Variants in RARB observed in about 807,000 individuals in gnomAD.
The protein encoded by RARB is HBV-activated protein.
In RARB, 17 loss-of-function variants were observed where a neutral mutation model predicts 51.9. The observed-to-expected ratio is 0.33, with a 90% CI of 0.22 to 0.49. The LOEUF is 0.49. Among genes scored for constraint, RARB ranks in the 20% least tolerant of loss-of-function variants. The probability of loss-of-function intolerance (pLI) is 0.99; values close to 1 mark genes in which losing one functional copy is unlikely to be tolerated. For missense variants in RARB, 369 were observed against 550.8 expected, an observed-to-expected ratio of 0.67 and a Z score of 3.30; for synonymous variants, 215 against 195.4, an observed-to-expected ratio of 1.10 and a Z score of -0.84.
At chr3:24,969,674 G>T (rs1205791492) in intron 2 of RARB, among the ~76,000 whole-genome samples, 1 of 152,126 alleles carries the variant, frequency 6.6e-6, no homozygotes, top group African/African-American at 2.4e-5. Flanking sequence ...GAGCTAGACA[G>T]TGTGTTGAAT....
intron 2 of RARB, among the ~76,000 whole-genome samples, chr3:24,971,442 G>C (rs1366386062): frequency 6.6e-6 from 1 of 152,140 alleles, no homozygotes; most frequent in African/African-American, 2.4e-5. Flanking sequence ...TTTAGTAAAA[G>C]ATTTAGGATA....
chr3:25,593,388 G>T (rs1479442353), intron 5 of RARB, 115 bp from the exon 6 acceptor site: 2 of 950,104 alleles, frequency 2.1e-6, no homozygotes, highest in African/African-American at 3.3e-5. Context: ...GTGAAAGGGG[G>T]ACAGACTGCC....
At chr3:25,488,834 C>A (rs772271710) in intron 2 of RARB, among the ~76,000 whole-genome samples, 1 of 152,172 alleles carries the variant, frequency 6.6e-6, no homozygotes, top group African/African-American at 2.4e-5. Context: ...AAACAGGTCC[C>A]CCTACATCCA....
rs374962381 is a variant in RARB, at chr3:25,202,343, T to A, written c.178+27768T>A. 1.6e-4 allele frequency among the ~76,000 whole-genome samples: 25 copies of A among 152,246 alleles called. No homozygotes were observed. In the East Asian group the frequency reaches 4.8e-3, roughly 29 times the overall value. On this transcript the variant is annotated intron_variant, in intron 5 of 11. Transcript: ENST00000383772. ...TCTCTCTTTTCTTCTTTATTAGTCT[T>A]CTTAGTGGTCTATCCATTTTGTTGA...
At chr3:24,896,460 A>C (rs181035015) in intron 2 of RARB, among the ~76,000 whole-genome samples, 55 of 151,980 alleles carry the variant, frequency 3.6e-4, no homozygotes, top group South Asian at 3.5e-3. Flanking sequence ...AGGGTTTCAC[A>C]GTGTTAGCCA....
chr3:25,439,825 A>G (rs1708586212), intron 1 of RARB, among the ~76,000 whole-genome samples: 1 of 152,222 alleles, frequency 6.6e-6, no homozygotes, highest in Non-Finnish European at 1.5e-5. Context: ...ACAGGTGGAC[A>G]AATTGAAGTG....
intron 2 of RARB, among the ~76,000 whole-genome samples, chr3:24,885,217 A>G (rs17015393): frequency 0.027 from 4,115 of 152,220 alleles, 177 homozygotes; most frequent in African/African-American, 0.094. Flanking sequence ...AAGTAGGATC[A>G]AGTATGAGAG....
chr3:25,059,491 T>G (rs1233353660), intron 2 of RARB, among the ~76,000 whole-genome samples: 1 of 151,836 alleles, frequency 6.6e-6, no homozygotes, highest in Non-Finnish European at 1.5e-5. Context: ...GTCATTTTAG[T>G]AGTCATAAAA....
intron 4 of RARB, among the ~76,000 whole-genome samples, chr3:25,167,243 A>G (rs1037685819): frequency 6.6e-6 from 1 of 152,230 alleles, no homozygotes; most frequent in Non-Finnish European, 1.5e-5. Flanking sequence ...AACTTAATGA[A>G]CATCCAGTGA....
At chr3:25,292,336 G>A (rs548886495) in intron 5 of RARB, among the ~76,000 whole-genome samples, 1 of 152,076 alleles carries the variant, frequency 6.6e-6, no homozygotes, top group Non-Finnish European at 1.5e-5. Flanking sequence ...AGTCCTCCCC[G>A]ATGTCACAGA....
intron 3 of RARB, among the ~76,000 whole-genome samples, chr3:25,112,008 C>T (rs946170330): frequency 5.3e-5 from 8 of 152,154 alleles, no homozygotes; most frequent in African/African-American, 1.9e-4. Context: ...TTATAAACTG[C>T]TAGGTGGCAA....
intron 4 of RARB, among the ~76,000 whole-genome samples, chr3:25,162,703 T>C (rs1700492002): frequency 6.6e-6 from 1 of 152,242 alleles, no homozygotes; most frequent in Non-Finnish European, 1.5e-5. Context: ...CTGGGTTCTT[T>C]CCTGTAGCAT....
At chr3:25,171,485 TAAAAAAAAAAAA>T (rs10559921) in intron 4 of RARB, among the ~76,000 whole-genome samples, 2 of 9,966 alleles carry the variant, frequency 2.0e-4, no homozygotes, top group African/African-American at 4.9e-4. Context: ...ATAAGCAGTT[TAAAAAAAAAAAA>T]AAAAAAAAAA....
rs1394317169 is a variant in RARB at position 25,366,630 on chromosome 3, A to G, written c.179-94563A>G. ...AAAATATTTTTAGCTCATGGTTCCTAAATACTGGTCAACCACTGTTTTCAA... is the reference window on the plus strand; with the variant it reads ...AAAATATTTTTAGCTCATGGTTCCTGAATACTGGTCAACCACTGTTTTCAA... On this transcript the variant is annotated intron_variant, in intron 5 of 11. Coordinates refer to the RARB transcript ENST00000383772. Among the ~76,000 whole-genome samples, 4 of 152,334 alleles carry G rather than the reference A, an allele frequency of 2.6e-5. No homozygotes were observed. The East Asian group carries it at 7.7e-4, about 29-fold the overall frequency.
chr3:24,991,650 G>T (rs931734404), intron 2 of RARB, among the ~76,000 whole-genome samples: 2 of 151,956 alleles, frequency 1.3e-5, no homozygotes, highest in African/African-American at 4.8e-5. Context: ...GTTGTATTAC[G>T]GGTTTAGGAA....
chr3:25,338,811 C>G (rs1705138190), intron 5 of RARB, among the ~76,000 whole-genome samples: 1 of 152,002 alleles, frequency 6.6e-6, no homozygotes, highest in Non-Finnish European at 1.5e-5. Context: ...TTTGTGTAGT[C>G]CTTGGTAAGT....
At chr3:25,233,285 A>G (rs943924928) in intron 5 of RARB, among the ~76,000 whole-genome samples, 1 of 152,086 alleles carries the variant, frequency 6.6e-6, no homozygotes, top group Non-Finnish European at 1.5e-5. Flanking sequence ...ACTTGATGAT[A>G]TTTTGAACAT....
At chr3:25,135,603 C>G (rs186967346) in intron 4 of RARB, among the ~76,000 whole-genome samples, 16 of 151,846 alleles carry the variant, frequency 1.1e-4, no homozygotes, top group African/African-American at 3.9e-4. Flanking sequence ...TGAACAGTTG[C>G]GTGCAACATA....
intron 2 of RARB, among the ~76,000 whole-genome samples, chr3:24,915,486 A>G (rs896374351): frequency 6.6e-6 from 1 of 152,200 alleles, no homozygotes; most frequent in Non-Finnish European, 1.5e-5. Context: ...GCTAATGGCT[A>G]TCATACTGGA....
Sources: allele counts gnomAD v4.1 joint callset (sites outside exome capture counted in the v4.1 genomes callset), GRCh38; gene constraint gnomAD v4.1.1; transcripts MANE v1.5; gene names NCBI Gene and HGNC (gene_info 2026-07-23, HGNC 2026-07-21).